DGKB: variants seen among roughly 807,000 people sequenced by gnomAD.
The protein encoded by DGKB is 90 kDa diacylglycerol kinase.
A neutral mutation model predicts 114.3 loss-of-function variants in DGKB; 67 were observed. The ratio of observed to expected loss-of-function variants is 0.59; its 90% CI spans 0.48 to 0.72. The LOEUF (loss-of-function observed/expected upper bound fraction) is 0.72. Among genes scored for constraint, DGKB ranks in the 30% least tolerant of loss-of-function variants. DGKB has a pLI of 0.00. For synonymous variants in DGKB, 398 were observed against 323.1 expected (o/e 1.23, Z -2.49); for missense variants, 907 against 975.2 (o/e 0.93, Z 0.93).
chr7:14,784,722 A>G (rs955922492), intron 2 of DGKB, among the ~76,000 whole-genome samples: 1 of 151,772 alleles, frequency 6.6e-6, no homozygotes, highest in Non-Finnish European at 1.5e-5. Flanking sequence ...TTTTTTAGTC[A>G]TTGTTAGAAA....
At chr7:14,785,296 A>G (rs1164050244) in intron 2 of DGKB, among the ~76,000 whole-genome samples, 1 of 152,170 alleles carries the variant, frequency 6.6e-6, no homozygotes, top group East Asian at 1.9e-4. Context: ...TGTAAAAAGT[A>G]TAGAAAACGG....
chr7:14,751,773 G>A (rs1834160629), intron 4 of DGKB, among the ~76,000 whole-genome samples: 1 of 152,176 alleles, frequency 6.6e-6, no homozygotes, highest in South Asian at 2.1e-4. Context: ...CAGAGTTATA[G>A]TTCCTCAATT....
intron 21 of DGKB, among the ~76,000 whole-genome samples, chr7:14,477,919 T>C (rs1004120821): frequency 6.6e-6 from 1 of 152,110 alleles, no homozygotes; most frequent in Non-Finnish European, 1.5e-5. Context: ...GAAATCTTTC[T>C]TTATAATACA....
intron 23 of DGKB, among the ~76,000 whole-genome samples, chr7:14,249,352 C>T (rs1056616321): frequency 5.3e-5 from 8 of 152,100 alleles, no homozygotes; most frequent in Non-Finnish European, 1.0e-4. Flanking sequence ...TAATCCTGGC[C>T]TTGCAAAATT....
intron 21 of DGKB, among the ~76,000 whole-genome samples, chr7:14,382,170 A>G (rs1819581361): frequency 6.6e-6 from 1 of 152,180 alleles, no homozygotes; most frequent in African/African-American, 2.4e-5. Context: ...GAGTAGCTGC[A>G]TGTAGATGCA....
intron 1 of DGKB, among the ~76,000 whole-genome samples, chr7:14,915,304 G>C (rs1784188954): frequency 6.6e-6 from 1 of 152,140 alleles, no homozygotes; most frequent in South Asian, 2.1e-4. Flanking sequence ...CTTGAGCCCA[G>C]GAATTCGAGG....
At position 14,610,696 on chromosome 7, in the gene DGKB, G is replaced by T. The variant is rs1475202708; in HGVS notation, c.1358+2644C>A. The stretch of plus-strand genomic sequence containing the variant: ...CAATACCCTCTTTTCCCTGGCACCT[G>T]AACCTACTAGTGGACAACTCTGTGC... On this transcript the variant is annotated intron_variant, in intron 16 of 25. Coordinates refer to ENST00000402815, the MANE Select transcript of DGKB (RefSeq NM_001350709.2). Among the ~76,000 whole-genome samples the T allele has an allele frequency of 2.0e-5, 3 of 151,886 alleles. No homozygotes were observed. The East Asian group carries it at 5.8e-4, about 29-fold the overall frequency.
intron 1 of DGKB, among the ~76,000 whole-genome samples, chr7:14,952,046 T>C (rs1786228871): frequency 6.6e-6 from 1 of 152,010 alleles, no homozygotes; most frequent in South Asian, 2.1e-4. Context: ...ATTATAGGTG[T>C]AGATGAGGTC....
At chr7:14,407,530 T>A (rs7809958) in intron 21 of DGKB, among the ~76,000 whole-genome samples, 5 of 151,796 alleles carry the variant, frequency 3.3e-5, no homozygotes, top group Non-Finnish European at 7.4e-5. Flanking sequence ...GCTCTTCTTA[T>A]TGAGAGTGAC....
chr7:14,960,271 G>T (rs940264749), intron 1 of DGKB, among the ~76,000 whole-genome samples: 1 of 152,010 alleles, frequency 6.6e-6, no homozygotes, highest in African/African-American at 2.4e-5. Context: ...AGTACTTAAA[G>T]AATATATAAC....
intron 20 of DGKB, among the ~76,000 whole-genome samples, chr7:14,573,831 G>C (rs983626376): frequency 7.9e-5 from 12 of 151,946 alleles, no homozygotes; most frequent in African/African-American, 2.9e-4. Flanking sequence ...GCATCTCAAA[G>C]TAAGATAAAA....
intron 23 of DGKB, among the ~76,000 whole-genome samples, chr7:14,259,297 A>G (rs1796386447): frequency 6.8e-6 from 1 of 147,404 alleles, no homozygotes; most frequent in Admixed American, 6.9e-5. Flanking sequence ...CAATACTGGC[A>G]AATTAACAAG....
intron 2 of DGKB, among the ~76,000 whole-genome samples, chr7:14,817,140 G>A (rs188485250): frequency 2.8e-4 from 42 of 152,234 alleles, no homozygotes; most frequent in Admixed American, 2.5e-3. Flanking sequence ...TTGATTAGAA[G>A]ATCATCTTCC....
At chr7:14,850,788 T>A (rs2128158403) in intron 1 of DGKB, among the ~76,000 whole-genome samples, 1 of 152,308 alleles carries the variant, frequency 6.6e-6, no homozygotes, top group Non-Finnish European at 1.5e-5. Context: ...GCTACAACAA[T>A]CAGCTTCCTC....
intron 23 of DGKB, among the ~76,000 whole-genome samples, chr7:14,267,912 T>C (rs1316230940): frequency 6.6e-6 from 1 of 152,150 alleles, no homozygotes; most frequent in Non-Finnish European, 1.5e-5. Flanking sequence ...CATCAAACTA[T>C]TTTAGAACAA....
chr7:14,305,919 G>A (rs1804389751), intron 23 of DGKB, among the ~76,000 whole-genome samples: 1 of 152,090 alleles, frequency 6.6e-6, no homozygotes, highest in Middle Eastern at 3.2e-3. Flanking sequence ...AAAGATTAAT[G>A]TTGGTTAGCA....
At chr7:14,307,216 G>A (rs1444287567) in intron 23 of DGKB, among the ~76,000 whole-genome samples, 1 of 129,460 alleles carries the variant, frequency 7.7e-6, no homozygotes, top group Non-Finnish European at 1.7e-5. Context: ...AGAATCCAAT[G>A]CCTAATAACT....
At chr7:14,493,913 A>G (rs1353218424) in intron 20 of DGKB, among the ~76,000 whole-genome samples, 1 of 144,042 alleles carries the variant, frequency 6.9e-6, no homozygotes, top group Non-Finnish European at 1.5e-5. Context: ...TACCATGGCT[A>G]TCATGGTATC....
chr7:14,418,585 A>T (rs1826161028), intron 21 of DGKB, among the ~76,000 whole-genome samples: 1 of 151,786 alleles, frequency 6.6e-6, no homozygotes, highest in Admixed American at 6.6e-5. Context: ...GATGGTTTGT[A>T]TCAGTCCATT....
Sources: allele counts gnomAD v4.1 joint callset (sites outside exome capture counted in the v4.1 genomes callset), GRCh38; gene constraint gnomAD v4.1.1; transcripts MANE v1.5; gene names NCBI Gene and HGNC (gene_info 2026-07-23, HGNC 2026-07-21).